Variants in ZNF638 observed in about 807,000 individuals in gnomAD.
ZNF638 encodes the protein CTCL tumor antigen se33-1.
Under a neutral mutation model 195.6 loss-of-function variants are expected in ZNF638, and 46 were observed. That is an observed-to-expected ratio of 0.24 (90% CI 0.19 to 0.30). The LOEUF (loss-of-function observed/expected upper bound fraction) is 0.30. Ranked by LOEUF, ZNF638 falls within the 10% of genes least tolerant of loss-of-function variation. The pLI, the probability that ZNF638 is intolerant of heterozygous loss-of-function variation, is 1.00. For synonymous variants in ZNF638, 845 were observed against 772.0 expected, an observed-to-expected ratio of 1.09 and a Z score of -1.57; for missense variants, 2,440 against 2,325.3, an observed-to-expected ratio of 1.05 and a Z score of -1.01.
chr2:71,426,756 A>C lies in ZNF638; in HGVS notation c.4887A>C (p.Glu1629Asp). The change falls in exon 24 of 28, where the codon GAA (glutamate) becomes GAC (aspartate). Residue 1629 changes from glutamate to aspartate, a missense_variant. Coordinates refer to ENST00000264447, the MANE Select transcript of ZNF638 (RefSeq NM_014497.5). ...TGGATGAAGTAATTGATGAAGAAGA[A>C]CTAAATATGGAAGAAATGGTAAAAA... Reference protein sequence around the residue: ...VTVDEVIDEEELNMEEMVKNS... With the variant: ...VTVDEVIDEEDLNMEEMVKNS... The C allele has an allele frequency of 6.2e-7, 1 of 1,613,808 alleles. No homozygotes were observed.
chr2:71,349,875 C>T lies in ZNF638; in HGVS notation c.921C>T (p.Pro307=). ...HISGGQSVLE[P]IKSVNQSINQ... Reference sequence around the variant, plus strand: ...CAGGAGGACAGTCAGTCCTTGAACCCATAAAATCCGTCAACCAATCCATTA... The same window carrying T: ...CAGGAGGACAGTCAGTCCTTGAACCTATAAAATCCGTCAACCAATCCATTA... Residue 307 remains proline (P), a synonymous_variant, in exon 2 of 28, where the codon CCC becomes CCT. Transcript: ENST00000264447. 2 of 1,614,180 alleles carry T rather than the reference C, an allele frequency of 1.2e-6. No homozygotes were observed. Among genetic ancestry groups the T allele is most frequent in the South Asian group, 2.2e-5 (2 of 91,080 alleles).
chr2:71,367,055 C>T (rs1257475067), intron 6 of ZNF638, among the ~76,000 whole-genome samples: 1 of 151,868 alleles, frequency 6.6e-6, no homozygotes, highest in Non-Finnish European at 1.5e-5. Context: ...TGTTCCCTGC[C>T]CCAAAGAACT....
intron 22 of ZNF638, 75 bp from the exon 23 acceptor site, chr2:71,424,575 T>A: frequency 7.7e-7 from 1 of 1,301,336 alleles, no homozygotes; most frequent in South Asian, 1.3e-5. Context: ...TTTTTTGTTT[T>A]TTGTTTTTTT....
rs1244560224 is a variant in ZNF638 at position 71,427,029 on chromosome 2, C to A, written c.5160C>A (p.Gly1720=). 1.2e-6 allele frequency: 2 copies of A among 1,613,348 alleles called. No individual in the cohort carries two copies. Among genetic ancestry groups the A allele is most frequent in the Non-Finnish European group, 1.7e-6 (2 of 1,179,760 alleles). Residue 1720 remains glycine, a synonymous_variant, in exon 24 of 28, where the codon GGC becomes GGA. Transcript: ENST00000264447. ...NEGDTVRDSI[G]FISSQVPEDP... Reference sequence around the variant, plus strand: ...GAGATACTGTAAGGGATTCCATTGGCTTCATTTCTTCTCAGGTGCCCGAAG... The same window carrying A: ...GAGATACTGTAAGGGATTCCATTGGATTCATTTCTTCTCAGGTGCCCGAAG...
intron 8 of ZNF638, among the ~76,000 whole-genome samples, chr2:71,372,633 A>G (rs1489131136): frequency 6.6e-6 from 1 of 152,186 alleles, no homozygotes; most frequent in Non-Finnish European, 1.5e-5. Context: ...GGTTCTTGTG[A>G]TGATGCTTTT....
chr2:71,404,698 C>A (rs1173053574), intron 17 of ZNF638, among the ~76,000 whole-genome samples: 1 of 152,160 alleles, frequency 6.6e-6, no homozygotes, highest in African/African-American at 2.4e-5. Context: ...GCCTGGGTGA[C>A]AGAGGGAGAC....
intron 3 of ZNF638, among the ~76,000 whole-genome samples, chr2:71,358,285 A>T (rs1431212679): frequency 6.6e-6 from 1 of 152,176 alleles, no homozygotes; most frequent in Non-Finnish European, 1.5e-5. Context: ...TCCTTTTCCA[A>T]ATCGGGTAAC....
intron 23 of ZNF638, among the ~76,000 whole-genome samples, chr2:71,426,210 T>C (rs926274873): frequency 6.6e-6 from 1 of 152,232 alleles, no homozygotes; most frequent in African/African-American, 2.4e-5. Context: ...AATGTAATCT[T>C]ATTGAATTTA....
chr2:71,433,294 A>G lies in ZNF638; in HGVS notation c.5871+11A>G, dbSNP rs990683480. The G allele has an allele frequency of 1.3e-6, 2 of 1,571,142 alleles. No homozygotes were observed. Among genetic ancestry groups the G allele is most frequent in the Non-Finnish European group, 8.8e-7 (1 of 1,142,688 alleles). ...AAGCAAAATACTGAGGTAATTTTAA[A>G]AATTCTTACAAAATCTTGAGGTGTT... On this transcript the variant is annotated intron_variant, in intron 27 of 27. Coordinates refer to ENST00000264447, the MANE Select transcript of ZNF638 (RefSeq NM_014497.5).
intron 15 of ZNF638, among the ~76,000 whole-genome samples, chr2:71,401,018 A>G (rs988421000): frequency 1.3e-5 from 2 of 152,156 alleles, no homozygotes; most frequent in African/African-American, 2.4e-5. Flanking sequence ...TCATTAATTT[A>G]CATTTTACTG....
In ZNF638 at chr2:71,418,526, T is replaced by C. The variant is rs543305032; in HGVS notation, c.3262-76T>C. 107 of 1,060,404 alleles carry C rather than the reference T, an allele frequency of 1.0e-4. No individual in the cohort carries two copies. In the African/African-American group the frequency reaches 1.7e-3, roughly 17 times the overall value. 65.7% of individuals were successfully genotyped at this position (1,060,404 alleles called of 1,614,324 possible). On this transcript the variant is annotated intron_variant, in intron 20 of 27. Transcript: ENST00000264447. ...TTTTTTTTTGAGCTTAAATTTTTAC[T>C]AAAAACATTGCTTTTATAGTTAAAT...
At chr2:71,374,923 TAAAC>T (rs1039737239) in intron 8 of ZNF638, 14 of 152,206 alleles carry the variant, frequency 9.2e-5, no homozygotes, top group East Asian at 1.9e-4. Flanking sequence ...GGCTTTGTCT[TAAAC>T]AAACAAAGAA....
chr2:71,423,174 A>G lies in ZNF638; in HGVS notation c.3660A>G (p.Lys1220=). 6.2e-7 allele frequency: 1 copy of G among 1,614,094 alleles called. No individual in the cohort carries two copies. ...AAGGGGCAGAAATTATTAACCCTAAAACAGCATTGTTACCATCTGACAGTG... is the reference window on the plus strand; with the variant it reads ...AAGGGGCAGAAATTATTAACCCTAAGACAGCATTGTTACCATCTGACAGTG... ...EKKGAEIINP[K]TALLPSDSVF... is the part of the protein sequence containing the mutation. The change falls in exon 22 of 28, where the codon AAA becomes AAG. Residue 1220 remains lysine (K), a synonymous_variant. Transcript: ENST00000264447.
chr2:71,365,002 C>T (rs2079171633), intron 5 of ZNF638, among the ~76,000 whole-genome samples: 1 of 152,152 alleles, frequency 6.6e-6, no homozygotes, highest in Non-Finnish European at 1.5e-5. Flanking sequence ...CTACACATTT[C>T]ACTAATTTTG....
chr2:71,417,723 C>G (rs1053126329), intron 20 of ZNF638, among the ~76,000 whole-genome samples: 12 of 151,300 alleles, frequency 7.9e-5, no homozygotes, highest in African/African-American at 2.2e-4. Flanking sequence ...TAAACACTCT[C>G]TGTAATTGGG....
At position 71,394,124 on chromosome 2, in the gene ZNF638, T is replaced by A. The variant is rs549464996; in HGVS notation, c.2378-2017T>A. Among the ~76,000 whole-genome samples the A allele has an allele frequency of 4.6e-5, 7 of 152,292 alleles. No homozygotes were observed. In the East Asian group the frequency reaches 1.4e-3, roughly 29 times the overall value. ...CGGGGGACAAGCCCTTAGTCTCCAGTTAGGCAATTTAACATCTTAGACTGG... is the reference window on the plus strand; with the variant it reads ...CGGGGGACAAGCCCTTAGTCTCCAGATAGGCAATTTAACATCTTAGACTGG... On this transcript the variant is annotated intron_variant, in intron 10 of 27. Transcript: ENST00000264447.
chr2:71,334,733 C>CA (rs1167894383), intron 1 of ZNF638: 2 of 152,078 alleles, frequency 1.3e-5, no homozygotes, highest in East Asian at 3.9e-4. Context: ...TCCTGGCTAA[C>CA]ACGGTGAATC....
At chr2:71,348,466 T>A in intron 1 of ZNF638, 1 of 1,018,640 alleles carries the variant, frequency 9.8e-7, no homozygotes, top group Non-Finnish European at 1.2e-6. Context: ...TTTTCAAGAT[T>A]ATGTAAAAGG....
At chr2:71,368,660 A>G in intron 7 of ZNF638, 132 bp downstream of exon 7, 1 of 1,008,760 alleles carries the variant, frequency 9.9e-7, no homozygotes, top group Non-Finnish European at 1.4e-6. Flanking sequence ...AAATGTCTGG[A>G]TGTGAATAAG....
Sources: allele counts gnomAD v4.1 joint callset (sites outside exome capture counted in the v4.1 genomes callset), GRCh38; gene constraint gnomAD v4.1.1; transcripts MANE v1.5; gene names NCBI Gene and HGNC (gene_info 2026-07-23, HGNC 2026-07-21).